Variants in AIG1 observed in about 807,000 individuals in gnomAD.
AIG1 encodes the protein androgen induced 1.
A neutral mutation model predicts 31.4 loss-of-function variants in AIG1; 23 were observed. The ratio of observed to expected loss-of-function variants is 0.73; its 90% CI spans 0.53 to 1.04. The LOEUF is 1.04. Ranked by LOEUF, AIG1 falls within the 50% of genes least tolerant of loss-of-function variation. The pLI is 0.00. For missense variants in AIG1, 274 were observed against 295.0 expected (o/e 0.93, Z 0.52); for synonymous variants, 100 against 110.5 (o/e 0.90, Z 0.60).
At chr6:143,146,951 G>A (rs995612165) in intron 2 of AIG1, among the ~76,000 whole-genome samples, 3 of 152,176 alleles carry the variant, frequency 2.0e-5, no homozygotes, top group African/African-American at 7.2e-5. Context: ...AGGTGACGCA[G>A]AAAATCAGGT....
rs776558117 is a variant in AIG1, at chr6:143,268,345, C to T, written c.400-15765C>T. Among the ~76,000 whole-genome samples, 8 of 152,090 alleles carry T rather than the reference C, an allele frequency of 5.3e-5. No homozygotes were observed. Among genetic ancestry groups the T allele is most frequent in the Non-Finnish European group, 1.0e-4 (7 of 68,014 alleles). On this transcript the variant is annotated intron_variant, in intron 3 of 5. Coordinates refer to ENST00000357847, the MANE Select transcript of AIG1 (RefSeq NM_016108.4). This position sits in a 1 kb window ranked among gnomAD's most constrained non-coding sequence, Gnocchi z 5.0. ...ACGACTGGCATTGTTCCCTGAGCCT[C>T]GAGTCTACGGGGACCACAACTAGAT...
chr6:143,278,395 T>TTA lies in AIG1; in HGVS notation c.400-5713_400-5712dup, dbSNP rs566644767. Among the ~76,000 whole-genome samples, 4 of 152,286 alleles carry TTA rather than the reference T, an allele frequency of 2.6e-5. No individual in the cohort carries two copies. The South Asian group carries it at 6.2e-4, about 24-fold the overall frequency. ...TAGTGAAAAGTTTATTCCCTCTGAA[T>TTA]TATCTTTCAGTCCTTCTCATTCTGT... On this transcript the variant is annotated intron_variant, in intron 3 of 5. Transcript: ENST00000357847.
At chr6:143,303,140 A>G (rs1386251420) in intron 4 of AIG1, among the ~76,000 whole-genome samples, 2 of 151,822 alleles carry the variant, frequency 1.3e-5, no homozygotes, top group Non-Finnish European at 2.9e-5. Flanking sequence ...TTGTCAGATG[A>G]GTAGGTTGTG....
At chr6:143,155,907 T>G (rs1785699313) in intron 2 of AIG1, among the ~76,000 whole-genome samples, 1 of 152,052 alleles carries the variant, frequency 6.6e-6, no homozygotes, top group Admixed American at 6.5e-5. Flanking sequence ...TTCTTCAAAG[T>G]TTACTCAGAG....
intron 3 of AIG1, among the ~76,000 whole-genome samples, chr6:143,230,710 TAGTG>T (rs1793381604): frequency 6.6e-6 from 1 of 152,048 alleles, no homozygotes; most frequent in Admixed American, 6.6e-5. Flanking sequence ...TCAGTAAAAT[TAGTG>T]AGTCAACCTA....
intron 1 of AIG1, among the ~76,000 whole-genome samples, chr6:143,135,701 AAATACTTTTTAGG>A (rs1783666624): frequency 6.6e-6 from 1 of 152,168 alleles, no homozygotes; most frequent in Non-Finnish European, 1.5e-5. Flanking sequence ...TGATGGAACT[AAATACTTTTTAGG>A]ATCCTTCTTC....
chr6:143,089,118 G>A (rs1227931534), intron 1 of AIG1, among the ~76,000 whole-genome samples: 1 of 151,870 alleles, frequency 6.6e-6, no homozygotes, highest in Admixed American at 6.6e-5. Flanking sequence ...GCAGAGGCAG[G>A]AGAATCGCTT....
rs1181117655 is a variant in AIG1, at chr6:143,327,481, C to T, written c.516-5801C>T. On this transcript the variant is annotated intron_variant, in intron 4 of 5. Transcript: ENST00000357847. This position sits in a 1 kb window ranked among gnomAD's most constrained non-coding sequence, Gnocchi z 5.3. ...CAGATTTGCGCATTGATACCAGGCC[C>T]AACAAAACTGTCTGGGCCAAAGGAA... 4 of 391,454 alleles carry T rather than the reference C, an allele frequency of 1.0e-5. No homozygotes were observed. The highest frequency in any genetic ancestry group is 2.0e-5 in the Non-Finnish European group (4 of 204,256). 24.2% of individuals were successfully genotyped at this position (391,454 alleles called of 1,614,324 possible).
intron 3 of AIG1, among the ~76,000 whole-genome samples, chr6:143,267,431 C>T (rs1467382111): frequency 3.3e-5 from 5 of 152,196 alleles, no homozygotes; most frequent in African/African-American, 9.7e-5. Context: ...TAGCACAGCA[C>T]ACAGCTATTT....
intron 2 of AIG1, among the ~76,000 whole-genome samples, chr6:143,146,577 C>G (rs946875988): frequency 6.6e-6 from 1 of 151,776 alleles, no homozygotes; most frequent in Non-Finnish European, 1.5e-5. Context: ...CTCCTTTCAC[C>G]TCATCCCTCC....
At chr6:143,144,607 G>A (rs1784561359) in intron 2 of AIG1, among the ~76,000 whole-genome samples, 1 of 152,192 alleles carries the variant, frequency 6.6e-6, no homozygotes. Flanking sequence ...TCAGTTGCAA[G>A]TAAGAGAATA....
At chr6:143,181,537 A>G (rs890290460) in intron 3 of AIG1, among the ~76,000 whole-genome samples, 10 of 152,376 alleles carry the variant, frequency 6.6e-5, no homozygotes, top group Non-Finnish European at 1.5e-4. Flanking sequence ...AAATTTTAAT[A>G]TGAAGATTTG....
At chr6:143,267,177 C>T (rs1796215579) in intron 3 of AIG1, among the ~76,000 whole-genome samples, 1 of 152,132 alleles carries the variant, frequency 6.6e-6, no homozygotes, top group Non-Finnish European at 1.5e-5. Flanking sequence ...AGGTGATTGC[C>T]ACTGAGGATC....
chr6:143,098,795 A>T (rs1780011401), intron 1 of AIG1, among the ~76,000 whole-genome samples: 1 of 152,198 alleles, frequency 6.6e-6, no homozygotes, highest in South Asian at 2.1e-4. Flanking sequence ...TTATGGATTA[A>T]TTGGACCTTT....
chr6:143,186,627 G>A (rs1373785022), intron 3 of AIG1: 1 of 152,150 alleles, frequency 6.6e-6, no homozygotes, highest in Non-Finnish European at 1.5e-5. Flanking sequence ...CACTACGCAC[G>A]TACTAATATG....
chr6:143,136,027 T>C (rs1353592318), intron 1 of AIG1, among the ~76,000 whole-genome samples: 7 of 152,162 alleles, frequency 4.6e-5, no homozygotes, highest in Non-Finnish European at 1.0e-4. Context: ...TGTTCTCCTT[T>C]GCAATAGTCC....
intron 4 of AIG1, among the ~76,000 whole-genome samples, chr6:143,324,658 G>A (rs544394439): frequency 6.6e-6 from 1 of 152,270 alleles, no homozygotes; most frequent in South Asian, 2.1e-4. Context: ...CTTCTCCAAA[G>A]AGCTGCTCAT....
intron 3 of AIG1, among the ~76,000 whole-genome samples, chr6:143,250,969 C>A (rs1048690998): frequency 1.3e-5 from 2 of 152,174 alleles, no homozygotes; most frequent in African/African-American, 4.8e-5. Context: ...AGAATTCTCC[C>A]CCTGGAGACT....
At chr6:143,212,892 A>G (rs1791699411) in intron 3 of AIG1, among the ~76,000 whole-genome samples, 2 of 152,340 alleles carry the variant, frequency 1.3e-5, no homozygotes, top group South Asian at 2.1e-4. Context: ...AGACAGCAAC[A>G]TAAGATTTCT....
Sources: allele counts gnomAD v4.1 joint callset (sites outside exome capture counted in the v4.1 genomes callset), GRCh38; gene constraint gnomAD v4.1.1; non-coding constraint Gnocchi (gnomAD v3.1); transcripts MANE v1.5; gene names NCBI Gene and HGNC (gene_info 2026-07-23, HGNC 2026-07-21).